Variants in DCC observed in about 807,000 individuals in gnomAD.
The protein encoded by DCC is DCC netrin 1 receptor.
A neutral mutation model predicts 172.5 loss-of-function variants in DCC; 58 were observed. The ratio of observed to expected loss-of-function variants is 0.34; its 90% confidence interval spans 0.27 to 0.42. The LOEUF (loss-of-function observed/expected upper bound fraction) is 0.42. Ranked by LOEUF, DCC falls within the 10% of genes least tolerant of loss-of-function variation. DCC has a pLI of 1.00. For synonymous variants in DCC, 709 were observed against 644.5 expected (o/e 1.10, Z -1.52); for missense variants, 1,740 against 1,791.0 (o/e 0.97, Z 0.51).
At chr18:53,273,861 C>A (rs1487667463) in intron 12 of DCC, among the ~76,000 whole-genome samples, 1 of 151,948 alleles carries the variant, frequency 6.6e-6, no homozygotes, top group Non-Finnish European at 1.5e-5. Context: ...GTGACCCTGG[C>A]ACATCTGTGA....
rs1237050893 is a variant in DCC at position 52,929,858 on chromosome 18, ACACACT to A, written c.985+4492_985+4497del. Among the ~76,000 whole-genome samples, 119 of 123,368 alleles carry A rather than the reference ACACACT, an allele frequency of 9.6e-4. 1 individual carries two copies. Among genetic ancestry groups the A allele is most frequent in the Admixed American group, 1.2e-3 (14 of 11,978 alleles). 80.9% of individuals were successfully genotyped at this position (123,368 alleles called of 152,430 possible). On this transcript the variant is annotated intron_variant, in intron 5 of 28. Transcript: ENST00000442544. ...CACACACACACACACACACACACAC[ACACACT>A]CACGTTTGTTTTCTCCATATAAGTG...
At chr18:52,392,837 T>C (rs1222070028) in intron 1 of DCC, among the ~76,000 whole-genome samples, 11 of 152,140 alleles carry the variant, frequency 7.2e-5, no homozygotes, top group Non-Finnish European at 2.9e-5. Context: ...TCTTCCACTT[T>C]TTTTCAGGAT....
At chr18:52,499,204 C>T (rs776392908) in intron 1 of DCC, among the ~76,000 whole-genome samples, 2 of 152,140 alleles carry the variant, frequency 1.3e-5, no homozygotes, top group Non-Finnish European at 2.9e-5. Flanking sequence ...CAAATGACTG[C>T]GTTGAGCTTA....
In DCC at chr18:53,219,472, C is replaced by G. The variant is rs113614151; in HGVS notation, c.1911+3875C>G. 8.0e-3 allele frequency among the ~76,000 whole-genome samples: 1,215 copies of G among 152,164 alleles called. 16 individuals are homozygous for G. The highest frequency in any genetic ancestry group is 0.027 in the African/African-American group (1,130 of 41,522). On this transcript the variant is annotated intron_variant, in intron 12 of 28. Coordinates refer to ENST00000442544, the MANE Select transcript of DCC (RefSeq NM_005215.4). ...TTAACTCCCCTTTCCCCCCAAAACCCCAGTATATTATGAGGCATAGATCAT... is the reference window on the plus strand; with the variant it reads ...TTAACTCCCCTTTCCCCCCAAAACCGCAGTATATTATGAGGCATAGATCAT...
At chr18:52,403,611 T>G (rs988089594) in intron 1 of DCC, among the ~76,000 whole-genome samples, 1 of 152,144 alleles carries the variant, frequency 6.6e-6, no homozygotes, top group Admixed American at 6.6e-5. Flanking sequence ...TTCACTAGAT[T>G]CTATGAAAAA....
At chr18:52,584,232 A>T (rs2144782908) in intron 1 of DCC, among the ~76,000 whole-genome samples, 1 of 152,362 alleles carries the variant, frequency 6.6e-6, no homozygotes, top group African/African-American at 2.4e-5. Context: ...GGAAGAAGGA[A>T]CGTGGCTTCT....
At chr18:53,040,925 A>G (rs973745121) in intron 5 of DCC, among the ~76,000 whole-genome samples, 13 of 151,856 alleles carry the variant, frequency 8.6e-5, no homozygotes, top group African/African-American at 3.1e-4. Flanking sequence ...AATGCCAAGG[A>G]TAAGATTTGA....
chr18:52,958,727 G>C (rs2040789040), intron 5 of DCC, among the ~76,000 whole-genome samples: 1 of 152,140 alleles, frequency 6.6e-6, no homozygotes. Flanking sequence ...TGACAGATGA[G>C]GAGGTGATAT....
intron 8 of DCC, among the ~76,000 whole-genome samples, chr18:53,161,748 C>T (rs1182567335): frequency 1.3e-5 from 2 of 152,104 alleles, no homozygotes; most frequent in African/African-American, 4.8e-5. Context: ...AGGCCAAAAT[C>T]TTTGAAATAA....
intron 22 of DCC, among the ~76,000 whole-genome samples, chr18:53,447,693 C>G (rs543437374): frequency 1.3e-5 from 2 of 152,284 alleles, no homozygotes; most frequent in South Asian, 4.1e-4. Context: ...AGATCCCTAA[C>G]TATCTTCCTT....
chr18:53,508,201 AT>A (rs35557446), intron 27 of DCC, among the ~76,000 whole-genome samples: 6 of 147,034 alleles, frequency 4.1e-5, no homozygotes, highest in South Asian at 2.2e-4. Context: ...CCGAGACCAC[AT>A]TTTTTTTTTA....
chr18:52,470,704 C>A (rs1225145537), intron 1 of DCC, among the ~76,000 whole-genome samples: 1 of 152,180 alleles, frequency 6.6e-6, no homozygotes, highest in Admixed American at 6.5e-5. Flanking sequence ...TAAATCCCAA[C>A]ACACAAAATA....
At chr18:53,059,839 T>C (rs2042469082) in intron 5 of DCC, among the ~76,000 whole-genome samples, 1 of 152,152 alleles carries the variant, frequency 6.6e-6, no homozygotes, top group African/African-American at 2.4e-5. Context: ...GAGTTTTTTA[T>C]TGGCATCAGT....
At chr18:52,449,052 C>T (rs757779484) in intron 1 of DCC, among the ~76,000 whole-genome samples, 6 of 152,330 alleles carry the variant, frequency 3.9e-5, no homozygotes, top group Non-Finnish European at 8.8e-5. Context: ...GGAAGCCTCA[C>T]AATCATGCCA....
At chr18:52,364,909 A>G (rs980738563) in intron 1 of DCC, among the ~76,000 whole-genome samples, 5 of 152,050 alleles carry the variant, frequency 3.3e-5, no homozygotes, top group Admixed American at 2.6e-4. Context: ...CTCCCACTAT[A>G]TTTTTTCTTC....
At chr18:52,459,521 G>A (rs1021900172) in intron 1 of DCC, among the ~76,000 whole-genome samples, 2 of 151,472 alleles carry the variant, frequency 1.3e-5, no homozygotes, top group Non-Finnish European at 2.9e-5. Context: ...AGGCTGGAGT[G>A]CAGTGGCGCT....
At chr18:52,476,381 G>T (rs1257704117) in intron 1 of DCC, among the ~76,000 whole-genome samples, 1 of 152,116 alleles carries the variant, frequency 6.6e-6, no homozygotes, top group Non-Finnish European at 1.5e-5. Flanking sequence ...GTGCATTCGT[G>T]TGAGCGTTTA....
At chr18:53,485,882 G>A (rs2045894547) in intron 25 of DCC, among the ~76,000 whole-genome samples, 1 of 152,012 alleles carries the variant, frequency 6.6e-6, no homozygotes. Context: ...ATGCATGTAT[G>A]TGTATGTTGA....
intron 1 of DCC, among the ~76,000 whole-genome samples, chr18:52,750,114 G>T (rs62081898): frequency 0.097 from 14,702 of 152,158 alleles, 909 homozygotes; most frequent in Middle Eastern, 0.2. Flanking sequence ...CTTAGAGCAG[G>T]GTTCATTTGA....
Sources: gnomAD v4.1 joint callset for allele counts (sites outside exome capture counted in the v4.1 genomes callset) on GRCh38, gnomAD v4.1.1 for gene constraint, MANE v1.5 for transcripts, NCBI Gene and HGNC (gene_info 2026-07-23, HGNC 2026-07-21) for gene names.